Variants in PCSK5 observed in about 807,000 individuals in gnomAD.
PCSK5 encodes proprotein convertase subtilisin/kexin type 5.
Under a neutral mutation model 233.2 loss-of-function variants are expected in PCSK5, and 129 were observed. The ratio of observed to expected loss-of-function variants is 0.55; its 90% CI spans 0.48 to 0.64. PCSK5 has a LOEUF of 0.64. PCSK5 is among the 30% of genes least tolerant of loss of function. PCSK5 has a pLI of 0.00. For synonymous variants in PCSK5, 825 were observed against 879.2 expected, an observed-to-expected ratio of 0.94 and a Z score of 1.09; for missense variants, 2,076 against 2,430.1, an observed-to-expected ratio of 0.85 and a Z score of 3.06.
intron 24 of PCSK5, among the ~76,000 whole-genome samples, chr9:76,269,562 G>T (rs542855221): frequency 6.6e-6 from 1 of 152,310 alleles, no homozygotes; most frequent in South Asian, 2.1e-4. Flanking sequence ...CCACCCGGCA[G>T]TATACAAAAG....
chr9:75,963,823 G>C (rs1825460279), intron 2 of PCSK5, among the ~76,000 whole-genome samples: 1 of 152,208 alleles, frequency 6.6e-6, no homozygotes, highest in African/African-American at 2.4e-5. Context: ...AGGTTGCAGT[G>C]AGCCGAAATC....
intron 36 of PCSK5, among the ~76,000 whole-genome samples, chr9:76,352,265 G>A (rs1830186432): frequency 2.0e-5 from 3 of 152,160 alleles, no homozygotes; most frequent in African/African-American, 7.2e-5. Context: ...CCACGGCGCT[G>A]GTGGGAGTGT....
At chr9:76,096,126 C>T in intron 8 of PCSK5, 24 bp downstream of exon 8, 1 of 1,521,368 alleles carries the variant, frequency 6.6e-7, no homozygotes, top group Non-Finnish European at 9.1e-7. Flanking sequence ...GCATGCCCAT[C>T]ATGATCTGTT....
At chr9:76,321,329 C>G (rs1829194264) in intron 30 of PCSK5, 93 bp from the exon 31 acceptor site, 2 of 704,978 alleles carry the variant, frequency 2.8e-6, no homozygotes, top group African/African-American at 3.5e-5. Flanking sequence ...AGCAGCAGCC[C>G]TTTTGTTTTT....
intron 30 of PCSK5, among the ~76,000 whole-genome samples, chr9:76,312,364 C>A (rs1037022936): frequency 6.6e-6 from 1 of 152,020 alleles, no homozygotes; most frequent in Non-Finnish European, 1.5e-5. Context: ...ACAAAATTAG[C>A]CAGGCATGGT....
chr9:76,297,092 G>A (rs7039902), intron 27 of PCSK5, among the ~76,000 whole-genome samples: 23,795 of 151,998 alleles, frequency 0.16, 2,345 homozygotes, highest in African/African-American at 0.28. Context: ...AGCCCAAAGG[G>A]CAATTTATAA....
chr9:75,926,750 T>C (rs1402191810), intron 1 of PCSK5, among the ~76,000 whole-genome samples: 1 of 152,236 alleles, frequency 6.6e-6, no homozygotes, highest in African/African-American at 2.4e-5. Flanking sequence ...ATTGTTCCTC[T>C]TAATTGTTTT....
At chr9:76,285,777 C>T (rs1319292423) in intron 24 of PCSK5, among the ~76,000 whole-genome samples, 1 of 151,380 alleles carries the variant, frequency 6.6e-6, no homozygotes. Flanking sequence ...TTCTGTCTCC[C>T]CCAAAAGAAA....
Position 76,231,668 on chromosome 9 carries a change from A to C in PCSK5, c.2730-1792A>C, listed in dbSNP as rs550241091. Among the ~76,000 whole-genome samples, 59 of 152,280 alleles carry C rather than the reference A, an allele frequency of 3.9e-4. 1 individual carries two copies. The South Asian group carries it at 0.011, about 28-fold the overall frequency. ...GCCACATCCAGACTATTCCTTGAAA[A>C]GTCTTCTAGCTCAGTAACTGGTGCC... On this transcript the variant is annotated intron_variant, in intron 21 of 37. Coordinates refer to ENST00000674117, the MANE Select transcript of PCSK5 (RefSeq NM_001372043.1).
At chr9:76,265,449 C>G (rs185116761) in intron 24 of PCSK5, among the ~76,000 whole-genome samples, 19 of 151,970 alleles carry the variant, frequency 1.3e-4, no homozygotes, top group African/African-American at 4.6e-4. Context: ...TCAATATCAT[C>G]AAAGTCAAAG....
chr9:76,351,428 C>G (rs1036786616), intron 36 of PCSK5, among the ~76,000 whole-genome samples: 2 of 104,564 alleles, frequency 1.9e-5, no homozygotes, highest in African/African-American at 3.8e-5. Flanking sequence ...AACCGCCCCC[C>G]CCTGCAATGT....
Position 75,962,232 on chromosome 9 carries a change from G to A in PCSK5, c.298-23900G>A, listed in dbSNP as rs970164809. Among the ~76,000 whole-genome samples, 3 of 152,168 alleles carry A rather than the reference G, an allele frequency of 2.0e-5. No homozygotes were observed. The South Asian group carries it at 6.2e-4, about 32-fold the overall frequency. On this transcript the variant is annotated intron_variant, in intron 2 of 37. Coordinates refer to ENST00000674117, the MANE Select transcript of PCSK5 (RefSeq NM_001372043.1). ...GAGCATGGGTGGTTTCTCAGAAGAG[G>A]AGGCCTTTGATGTGGGCTCTGAAGG...
rs118069736 is a variant in PCSK5 at position 75,965,038 on chromosome 9, C to A, written c.298-21094C>A. Reference sequence around the variant, plus strand: ...TTCCTATCACAAATAAGTTGTGATACCACTTGGATTCATGTTCTTTGCTTG... The same window carrying A: ...TTCCTATCACAAATAAGTTGTGATAACACTTGGATTCATGTTCTTTGCTTG... On this transcript the variant is annotated intron_variant, in intron 2 of 37. Transcript: ENST00000674117. Among the ~76,000 whole-genome samples the A allele has an allele frequency of 1.8e-4, 27 of 152,250 alleles. No individual in the cohort carries two copies. The East Asian group carries it at 4.8e-3, about 27-fold the overall frequency.
chr9:75,896,533 A>G (rs755405784), intron 1 of PCSK5, among the ~76,000 whole-genome samples: 3 of 152,270 alleles, frequency 2.0e-5, no homozygotes, highest in Non-Finnish European at 2.9e-5. Flanking sequence ...GGTTCAAGTT[A>G]TGTGAAGCAG....
At chr9:76,261,981 AT>A (rs900208238) in intron 24 of PCSK5, among the ~76,000 whole-genome samples, 1 of 152,110 alleles carries the variant, frequency 6.6e-6, no homozygotes, top group African/African-American at 2.4e-5. Flanking sequence ...TCTTTTCCTA[AT>A]TGAATACCCT....
At chr9:76,322,498 A>C (rs1829236782) in intron 31 of PCSK5, among the ~76,000 whole-genome samples, 2 of 152,332 alleles carry the variant, frequency 1.3e-5, no homozygotes, top group South Asian at 2.1e-4. Flanking sequence ...TCCTATCCAA[A>C]GTATTCTCTT....
intron 1 of PCSK5, among the ~76,000 whole-genome samples, chr9:75,911,088 T>C (rs79121018): frequency 0.085 from 12,874 of 152,044 alleles, 733 homozygotes; most frequent in African/African-American, 0.15. Flanking sequence ...GTAAAGGCTG[T>C]GTAATGTGAA....
chr9:75,983,571 G>A (rs1826371237), intron 2 of PCSK5, among the ~76,000 whole-genome samples: 1 of 152,150 alleles, frequency 6.6e-6, no homozygotes, highest in Non-Finnish European at 1.5e-5. Context: ...TTAAATTAAC[G>A]AAGGATAGAC....
At chr9:75,938,783 T>C (rs1386351073) in intron 2 of PCSK5, among the ~76,000 whole-genome samples, 2 of 152,198 alleles carry the variant, frequency 1.3e-5, no homozygotes, top group Non-Finnish European at 2.9e-5. Flanking sequence ...CAAGTGTTGG[T>C]GTGACAAGGT....
Sources: allele counts gnomAD v4.1 joint callset (sites outside exome capture counted in the v4.1 genomes callset), GRCh38; gene constraint gnomAD v4.1.1; transcripts MANE v1.5; gene names NCBI Gene and HGNC (gene_info 2026-07-23, HGNC 2026-07-21).